Variants in WDR70 observed in about 807,000 individuals in gnomAD.
The protein encoded by WDR70 is WD repeat-containing protein 70.
In WDR70, 53 loss-of-function variants were observed where a neutral mutation model predicts 88.6. That is an observed-to-expected ratio of 0.60 (90% CI 0.48 to 0.75). The LOEUF is 0.75. Ranked by LOEUF, WDR70 falls within the 30% of genes least tolerant of loss-of-function variation. WDR70 has a pLI of 0.00. For synonymous variants in WDR70, 280 were observed against 270.0 expected, an observed-to-expected ratio of 1.04 and a Z score of -0.36; for missense variants, 610 against 823.2, an observed-to-expected ratio of 0.74 and a Z score of 3.17.
At chr5:37,603,518 A>C (rs895071054) in intron 9 of WDR70, among the ~76,000 whole-genome samples, 2 of 152,208 alleles carry the variant, frequency 1.3e-5, no homozygotes, top group East Asian at 3.8e-4. Context: ...AGAAGAAAAC[A>C]GGAAAAAACC....
At chr5:37,672,663 G>A (rs1037435885) in intron 10 of WDR70, among the ~76,000 whole-genome samples, 1 of 152,092 alleles carries the variant, frequency 6.6e-6, no homozygotes, top group Non-Finnish European at 1.5e-5. Context: ...CTCTTAGCCT[G>A]TTCTCCTGCC....
intron 3 of WDR70, 71 bp downstream of exon 3, chr5:37,381,756 AAG>A: frequency 6.7e-7 from 1 of 1,502,640 alleles, no homozygotes; most frequent in African/African-American, 1.4e-5. Flanking sequence ...TATATTAAAA[AAG>A]AGAAAAGAAT....
At chr5:37,480,122 T>C in intron 8 of WDR70, 135 bp downstream of exon 8, 1 of 1,141,878 alleles carries the variant, frequency 8.8e-7, no homozygotes, top group South Asian at 1.6e-5. Context: ...CTCACAATCA[T>C]GTGGATTGAT....
At position 37,584,446 on chromosome 5, in the gene WDR70, T is replaced by G. The variant is rs1030365700; in HGVS notation, c.918-20618T>G. On this transcript the variant is annotated intron_variant, in intron 9 of 17. Coordinates refer to ENST00000265107, the MANE Select transcript of WDR70 (RefSeq NM_018034.4). ...GACTTCATTACTTAACTCTGTGACT[T>G]GATTAAGCATTGTTTAAATTTTCAG... Among the ~76,000 whole-genome samples, 5 of 152,222 alleles carry G rather than the reference T, an allele frequency of 3.3e-5. No homozygotes were observed. The South Asian group carries it at 1.0e-3, about 32-fold the overall frequency.
At chr5:37,588,348 A>G (rs567294964) in intron 9 of WDR70, among the ~76,000 whole-genome samples, 5 of 152,298 alleles carry the variant, frequency 3.3e-5, no homozygotes, top group African/African-American at 4.8e-5. Context: ...AGTGCTTAGC[A>G]TCTACACCCA....
chr5:37,499,135 A>G (rs936271549), intron 8 of WDR70, among the ~76,000 whole-genome samples: 5 of 147,304 alleles, frequency 3.4e-5, no homozygotes, highest in Admixed American at 6.7e-5. Flanking sequence ...TTTTTTTGAG[A>G]TGAAGTCTTG....
intron 10 of WDR70, among the ~76,000 whole-genome samples, chr5:37,642,208 C>T (rs184841596): frequency 1.1e-4 from 16 of 152,248 alleles, no homozygotes; most frequent in South Asian, 1.0e-3. Flanking sequence ...CACCCTCACC[C>T]ATAATACCCT....
At chr5:37,404,266 G>T (rs1157632473) in intron 5 of WDR70, among the ~76,000 whole-genome samples, 4 of 152,084 alleles carry the variant, frequency 2.6e-5, no homozygotes, top group Non-Finnish European at 5.9e-5. Context: ...GGGTCATAGG[G>T]TAACTTAGGG....
intron 10 of WDR70, among the ~76,000 whole-genome samples, chr5:37,623,320 G>C (rs1581443669): frequency 6.6e-6 from 1 of 151,998 alleles, no homozygotes; most frequent in African/African-American, 2.4e-5. Flanking sequence ...GGAATTCAGG[G>C]AGTGTGTTCT....
At chr5:37,603,320 G>A (rs1469011320) in intron 9 of WDR70, among the ~76,000 whole-genome samples, 2 of 152,072 alleles carry the variant, frequency 1.3e-5, no homozygotes. Context: ...ATAAACCCAG[G>A]TACTTACAGC....
At chr5:37,569,426 T>A (rs892525710) in intron 9 of WDR70, among the ~76,000 whole-genome samples, 7 of 152,194 alleles carry the variant, frequency 4.6e-5, no homozygotes, top group African/African-American at 1.7e-4. Context: ...CTCAAGTGTT[T>A]GTTGAATTAA....
intron 10 of WDR70, among the ~76,000 whole-genome samples, chr5:37,637,997 T>C (rs1309579246): frequency 6.6e-6 from 1 of 152,100 alleles, no homozygotes; most frequent in Non-Finnish European, 1.5e-5. Flanking sequence ...GGAGTGTCAG[T>C]GGTGTCCTCC....
chr5:37,387,857 C>G (rs553690850), intron 3 of WDR70, among the ~76,000 whole-genome samples: 2 of 152,186 alleles, frequency 1.3e-5, no homozygotes, highest in African/African-American at 4.8e-5. Context: ...TTATCTCATG[C>G]TTGGTATTGG....
chr5:37,554,403 G>A (rs2112356491), intron 9 of WDR70, among the ~76,000 whole-genome samples: 1 of 152,202 alleles, frequency 6.6e-6, no homozygotes, highest in South Asian at 2.1e-4. Flanking sequence ...AGATTTGGAG[G>A]AAGATGTTGC....
intron 10 of WDR70, among the ~76,000 whole-genome samples, chr5:37,622,734 C>A (rs1043518864): frequency 1.3e-5 from 2 of 151,790 alleles, no homozygotes; most frequent in African/African-American, 4.8e-5. Flanking sequence ...CACACTGGGG[C>A]CTGTTGTGGG....
rs555459462 is a variant in WDR70 at position 37,446,392 on chromosome 5, C to T, written c.686+3020C>T. ...AGGTAATTTATAGATTCAATGCCAT[C>T]CCCATCAAGCTACCAATGACTTTCT... On this transcript the variant is annotated intron_variant, in intron 7 of 17. Coordinates refer to ENST00000265107, the MANE Select transcript of WDR70 (RefSeq NM_018034.4). Among the ~76,000 whole-genome samples, 124 of 152,232 alleles carry T rather than the reference C, an allele frequency of 8.1e-4. 1 individual carries two copies. Among genetic ancestry groups the T allele is most frequent in the Middle Eastern group, 6.8e-3 (2 of 294 alleles).
At chr5:37,650,917 C>T (rs529879165) in intron 10 of WDR70, among the ~76,000 whole-genome samples, 105 of 151,866 alleles carry the variant, frequency 6.9e-4, no homozygotes, top group African/African-American at 2.5e-3. Flanking sequence ...GCAACATTTC[C>T]TTCAACAAAA....
chr5:37,589,054 C>T (rs1281721137), intron 9 of WDR70, among the ~76,000 whole-genome samples: 4 of 152,022 alleles, frequency 2.6e-5, no homozygotes, highest in Admixed American at 6.6e-5. Context: ...TGAGCCACTG[C>T]GCCCGGCCTA....
At chr5:37,393,526 T>C (rs1748912803) in intron 4 of WDR70, among the ~76,000 whole-genome samples, 1 of 152,258 alleles carries the variant, frequency 6.6e-6, no homozygotes, top group East Asian at 1.9e-4. Context: ...AGTACTGTTT[T>C]CTTTGTTTTC....
Sources: allele counts gnomAD v4.1 joint callset (sites outside exome capture counted in the v4.1 genomes callset), GRCh38; gene constraint gnomAD v4.1.1; transcripts MANE v1.5; gene names NCBI Gene and HGNC (gene_info 2026-07-23, HGNC 2026-07-21).